CTNNA3: variants seen among roughly 807,000 people sequenced by gnomAD.
CTNNA3 encodes the protein catenin alpha-3.
Under a neutral mutation model 95.7 loss-of-function variants are expected in CTNNA3, and 76 were observed. That is an observed-to-expected ratio of 0.79 (90% confidence interval 0.66 to 0.96). The LOEUF (loss-of-function observed/expected upper bound fraction) is 0.96. Among genes scored for constraint, CTNNA3 ranks in the 40% least tolerant of loss-of-function variants. The pLI, the probability that CTNNA3 is intolerant of heterozygous loss-of-function variation, is 0.00. For synonymous variants in CTNNA3, 431 were observed against 374.4 expected (o/e 1.15, Z -1.74); for missense variants, 1,191 against 1,089.8 (o/e 1.09, Z -1.31).
chr10:66,793,764 T>C (rs1369908595), intron 7 of CTNNA3, among the ~76,000 whole-genome samples: 2 of 152,152 alleles, frequency 1.3e-5, no homozygotes, highest in Admixed American at 6.6e-5. Flanking sequence ...TGAGCTGTTA[T>C]TGAGATGTCT....
chr10:67,361,169 A>G (rs1178125919), intron 5 of CTNNA3, among the ~76,000 whole-genome samples: 2 of 152,184 alleles, frequency 1.3e-5, no homozygotes, highest in Non-Finnish European at 2.9e-5. Flanking sequence ...AGATAGTCAC[A>G]TAATAGAGGA....
At chr10:66,956,326 G>C (rs1205259076) in intron 7 of CTNNA3, among the ~76,000 whole-genome samples, 1 of 151,948 alleles carries the variant, frequency 6.6e-6, no homozygotes, top group Non-Finnish European at 1.5e-5. Flanking sequence ...TTTGGGAGCA[G>C]AGGGGATTCT....
intron 15 of CTNNA3, among the ~76,000 whole-genome samples, chr10:66,020,216 G>A (rs867434804): frequency 6.6e-5 from 10 of 152,304 alleles, no homozygotes; most frequent in African/African-American, 2.2e-4. Flanking sequence ...GGCATCCCTT[G>A]CATGCATCTA....
chr10:67,276,464 G>A (rs1175749593), intron 5 of CTNNA3, among the ~76,000 whole-genome samples: 3 of 152,056 alleles, frequency 2.0e-5, no homozygotes, highest in African/African-American at 7.2e-5. Context: ...AGTATTGTTG[G>A]TATTATTAAA....
At chr10:66,632,217 C>T (rs911213505) in intron 9 of CTNNA3, among the ~76,000 whole-genome samples, 7 of 151,896 alleles carry the variant, frequency 4.6e-5, no homozygotes, top group African/African-American at 1.7e-4. Context: ...TTTTAATGTG[C>T]ATCTGGAAGA....
Position 66,333,115 on chromosome 10 carries a change from T to C in CTNNA3, c.1732+46037A>G, listed in dbSNP as rs913820213. ...TTATTGAATCTATTTGATTCTTCTC[T>C]CTTTTCTTCTTTATTAGTCTTGCTA... On this transcript the variant is annotated intron_variant, in intron 12 of 17. Coordinates refer to ENST00000433211, the MANE Select transcript of CTNNA3 (RefSeq NM_013266.4). 3.9e-5 allele frequency among the ~76,000 whole-genome samples: 6 copies of C among 152,050 alleles called. No individual in the cohort carries two copies. The South Asian group carries it at 8.3e-4, about 21-fold the overall frequency.
chr10:66,964,153 C>T (rs1849274549), intron 7 of CTNNA3, among the ~76,000 whole-genome samples: 1 of 151,944 alleles, frequency 6.6e-6, no homozygotes, highest in Admixed American at 6.6e-5. Flanking sequence ...CCCAGCCAGA[C>T]ATCAATTTCT....
intron 6 of CTNNA3, among the ~76,000 whole-genome samples, chr10:67,190,406 C>T (rs1863067032): frequency 2.0e-5 from 3 of 151,902 alleles, no homozygotes; most frequent in African/African-American, 7.2e-5. Flanking sequence ...CTAAAGGAAA[C>T]ATACCAATAC....
At chr10:66,047,145 T>C in intron 15 of CTNNA3, among the ~76,000 whole-genome samples, 1 of 152,250 alleles carries the variant, frequency 6.6e-6, no homozygotes. Flanking sequence ...CAGCATCATC[T>C]TGACACCAAA....
intron 11 of CTNNA3, among the ~76,000 whole-genome samples, chr10:66,449,152 A>T (rs1564974969): frequency 1.3e-5 from 2 of 152,168 alleles, no homozygotes; most frequent in African/African-American, 2.4e-5. Flanking sequence ...TAAAAAAATG[A>T]GGAAAAAATG....
rs577792077 is a variant in CTNNA3 at position 66,470,408 on chromosome 10, T to C, written c.1531+50209A>G. Among the ~76,000 whole-genome samples the C allele has an allele frequency of 3.4e-4, 51 of 151,956 alleles. 1 individual carries two copies. The highest frequency in any genetic ancestry group is 3.1e-3 in the East Asian group (16 of 5,158). On this transcript the variant is annotated intron_variant, in intron 11 of 17. Coordinates refer to ENST00000433211, the MANE Select transcript of CTNNA3 (RefSeq NM_013266.4). The stretch of plus-strand genomic sequence containing the variant: ...TAGATAAGATGAGGTTCAAATGAGA[T>C]TGGCAAGCATTAATTTATAGCAATG...
At chr10:66,310,740 G>A (rs1317794873) in intron 12 of CTNNA3, among the ~76,000 whole-genome samples, 2 of 146,110 alleles carry the variant, frequency 1.4e-5, no homozygotes, top group Non-Finnish European at 1.5e-5. Flanking sequence ...AGGCTGGAGT[G>A]CAGTGGTGCG....
intron 6 of CTNNA3, among the ~76,000 whole-genome samples, chr10:67,192,232 G>A (rs1246319252): frequency 2.6e-5 from 4 of 151,766 alleles, no homozygotes; most frequent in Non-Finnish European, 4.4e-5. Flanking sequence ...AGATTTAAGT[G>A]GGACTACTTA....
intron 7 of CTNNA3, among the ~76,000 whole-genome samples, chr10:66,971,145 A>G (rs2132826397): frequency 6.6e-6 from 1 of 152,260 alleles, no homozygotes; most frequent in Admixed American, 6.5e-5. Context: ...AGTTAAAAAA[A>G]GGCTGGGTGT....
intron 5 of CTNNA3, among the ~76,000 whole-genome samples, chr10:67,346,997 AT>A (rs1167166181): frequency 1.3e-5 from 2 of 151,818 alleles, no homozygotes; most frequent in East Asian, 1.9e-4. Flanking sequence ...AATTATGAGA[AT>A]TTTTTTATTA....
intron 13 of CTNNA3, among the ~76,000 whole-genome samples, chr10:66,256,957 T>A (rs1275418665): frequency 6.6e-6 from 1 of 152,044 alleles, no homozygotes; most frequent in Admixed American, 6.5e-5. Context: ...AATAAGAGGG[T>A]CATCGGAAGA....
chr10:67,303,115 C>A (rs895937746), intron 5 of CTNNA3, among the ~76,000 whole-genome samples: 3 of 152,108 alleles, frequency 2.0e-5, no homozygotes, highest in Admixed American at 2.0e-4. Flanking sequence ...GTTTGAGAAC[C>A]ACTGACATAA....
At chr10:66,977,160 C>T (rs976148323) in intron 7 of CTNNA3, among the ~76,000 whole-genome samples, 3 of 152,014 alleles carry the variant, frequency 2.0e-5, no homozygotes, top group Admixed American at 6.6e-5. Flanking sequence ...AAAGGTTGGC[C>T]GGGCACGGTG....
At chr10:66,867,287 C>T (rs148590989) in intron 7 of CTNNA3, among the ~76,000 whole-genome samples, 3 of 152,336 alleles carry the variant, frequency 2.0e-5, no homozygotes, top group East Asian at 3.8e-4. Context: ...TAAGTAAATG[C>T]TCCTCTGGGT....
Sources: gnomAD v4.1 joint callset for allele counts (sites outside exome capture counted in the v4.1 genomes callset) on GRCh38, gnomAD v4.1.1 for gene constraint, MANE v1.5 for transcripts, NCBI Gene and HGNC (gene_info 2026-07-23, HGNC 2026-07-21) for gene names.